Variants in IKZF1 observed in about 807,000 individuals in gnomAD.
IKZF1 encodes the protein DNA-binding protein Ikaros.
In IKZF1, 10 loss-of-function variants were observed where a neutral mutation model predicts 51.7. That is an observed-to-expected ratio of 0.19 (90% CI 0.12 to 0.33). The LOEUF (loss-of-function observed/expected upper bound fraction) is 0.33, where lower values mean the gene tolerates loss of function less well. Among genes scored for constraint, IKZF1 ranks in the 10% least tolerant of loss-of-function variants. The pLI, the probability that IKZF1 is intolerant of heterozygous loss-of-function variation, is 1.00. For missense variants in IKZF1, 484 were observed against 707.5 expected (o/e 0.68, Z 3.58); for synonymous variants, 280 against 282.3 (o/e 0.99, Z 0.08).
chr7:50,375,928 C>A (rs969864939), intron 3 of IKZF1, among the ~76,000 whole-genome samples: 1 of 152,172 alleles, frequency 6.6e-6, no homozygotes, highest in Non-Finnish European at 1.5e-5. Flanking sequence ...ACACAAAGAA[C>A]TTCCGGAAAT....
intron 3 of IKZF1, among the ~76,000 whole-genome samples, chr7:50,334,748 G>A (rs1432783823): frequency 1.3e-5 from 2 of 151,026 alleles, no homozygotes; most frequent in Admixed American, 6.6e-5. Context: ...ATGTGCATGG[G>A]ATATGCGGTG....
intron 3 of IKZF1, among the ~76,000 whole-genome samples, chr7:50,363,542 C>A (rs1395578449): frequency 6.6e-6 from 1 of 152,188 alleles, no homozygotes; most frequent in Non-Finnish European, 1.5e-5. Context: ...CTCCCCAGCT[C>A]TGTGTCCCTG....
At chr7:50,324,173 A>G (rs1020845087) in intron 2 of IKZF1, among the ~76,000 whole-genome samples, 14 of 152,356 alleles carry the variant, frequency 9.2e-5, no homozygotes, top group Non-Finnish European at 8.8e-5. Context: ...TACTGTGCCT[A>G]TCATGATGGG....
chr7:50,318,417 T>TGTAAGA (rs1792176538), intron 1 of IKZF1: 1 of 228,700 alleles, frequency 4.4e-6, no homozygotes, highest in East Asian at 6.2e-5. Context: ...CTTCTCCCCG[T>TGTAAGA]GTAAGAGTGC....
intron 2 of IKZF1, among the ~76,000 whole-genome samples, chr7:50,320,553 C>T (rs1482546834): frequency 6.6e-6 from 1 of 152,160 alleles, no homozygotes; most frequent in Non-Finnish European, 1.5e-5. Flanking sequence ...GTAATTTTGT[C>T]TCCTTTAACA....
chr7:50,314,695 C>G (rs1315846255), intron 1 of IKZF1, among the ~76,000 whole-genome samples: 1 of 152,206 alleles, frequency 6.6e-6, no homozygotes, highest in African/African-American at 2.4e-5. Flanking sequence ...TATTCACTGT[C>G]AGAAAAGAGA....
chr7:50,391,563 C>T (rs1427891894), intron 6 of IKZF1, among the ~76,000 whole-genome samples, 166 bp from the exon 7 acceptor site: 2 of 152,132 alleles, frequency 1.3e-5, no homozygotes, highest in African/African-American at 4.8e-5. Context: ...GGCATTGCTC[C>T]GGCTGCCTCT....
intron 5 of IKZF1, among the ~76,000 whole-genome samples, chr7:50,386,351 A>G (rs1392730665): frequency 1.3e-5 from 2 of 152,226 alleles, no homozygotes; most frequent in Admixed American, 6.5e-5. Flanking sequence ...TTAAAATTAA[A>G]CAAAATTAAA....
Position 50,400,423 on chromosome 7 carries a change from C to T in IKZF1, c.1356C>T (p.Val452=), listed in dbSNP as rs777418288. 2.5e-6 allele frequency: 4 copies of T among 1,613,862 alleles called. No homozygotes were observed. Among genetic ancestry groups the T allele is most frequent in the Non-Finnish European group, 3.4e-6 (4 of 1,179,850 alleles). ...ACTCGCAGGACGCGCTCCGCGTGGT[C>T]AGCACCAGCGGGGAGCAGATGAAGG... ...SENSQDALRV[V]STSGEQMKVY... is the part of the protein sequence containing the mutation. Residue 452 remains valine, a synonymous_variant, in exon 8 of 8, where the codon GTC becomes GTT. Transcript: ENST00000331340. The surrounding 1 kb of genome is among the most constrained non-coding windows in gnomAD (Gnocchi z 5.4).
chr7:50,332,615 G>A (rs1391323863), intron 3 of IKZF1, among the ~76,000 whole-genome samples: 1 of 152,138 alleles, frequency 6.6e-6, no homozygotes, highest in Non-Finnish European at 1.5e-5. Flanking sequence ...CAGGGCAGAG[G>A]CACAGGAATG....
In IKZF1 at chr7:50,401,179, C is replaced by A. The variant is rs187514127; in HGVS notation, c.*552C>A. 15 of 238,970 alleles carry A rather than the reference C, an allele frequency of 6.3e-5. No homozygotes were observed. In the Admixed American group the frequency reaches 7.2e-4, roughly 12 times the overall value. 14.8% of individuals were successfully genotyped at this position (238,970 alleles called of 1,614,324 possible). On this transcript the variant is annotated 3_prime_UTR_variant, in exon 8 of 8. Coordinates refer to ENST00000331340, the MANE Select transcript of IKZF1 (RefSeq NM_006060.6). ...GCCCAGGCCAGCTTCGAGCTACATG[C>A]ATCTAGGGCGGAGAGGCTGCACTTG...
intron 6 of IKZF1, among the ~76,000 whole-genome samples, chr7:50,389,598 G>T (rs949427958): frequency 8.5e-5 from 13 of 152,182 alleles, no homozygotes; most frequent in African/African-American, 3.1e-4. Context: ...TTTCTGTCTG[G>T]TATGGCCTCA....
chr7:50,348,147 T>G (rs1360169187), intron 3 of IKZF1, among the ~76,000 whole-genome samples: 1 of 152,238 alleles, frequency 6.6e-6, no homozygotes, highest in Non-Finnish European at 1.5e-5. Flanking sequence ...AATTCCTTTT[T>G]TGAGAGAAAT....
intron 3 of IKZF1, chr7:50,368,036 T>C (rs768840557): frequency 7.1e-6 from 5 of 702,270 alleles, no homozygotes; most frequent in African/African-American, 5.2e-5. Context: ...TTTAGGGATT[T>C]CCATGCAATA....
chr7:50,383,764 C>T (rs1360806281), intron 5 of IKZF1, among the ~76,000 whole-genome samples: 1 of 152,242 alleles, frequency 6.6e-6, no homozygotes, highest in African/African-American at 2.4e-5. Context: ...ACCAGCTACT[C>T]CTCACCCACC....
At chr7:50,357,566 C>T (rs538927815) in intron 3 of IKZF1, among the ~76,000 whole-genome samples, 40 of 152,274 alleles carry the variant, frequency 2.6e-4, no homozygotes, top group African/African-American at 9.4e-4. Flanking sequence ...ACGTGAGTTT[C>T]GGTGCATCTT....
intron 3 of IKZF1, among the ~76,000 whole-genome samples, chr7:50,332,073 T>C (rs895786028): frequency 1.3e-5 from 2 of 152,210 alleles, no homozygotes; most frequent in African/African-American, 4.8e-5. Flanking sequence ...CAGTGACCTC[T>C]TCAGGCAACC....
intron 6 of IKZF1, among the ~76,000 whole-genome samples, chr7:50,387,740 C>T (rs538115759): frequency 6.6e-6 from 1 of 152,200 alleles, no homozygotes; most frequent in South Asian, 2.1e-4. Context: ...TAGCAGTGAC[C>T]TTGAAAGTTT....
intron 6 of IKZF1, among the ~76,000 whole-genome samples, chr7:50,388,802 G>A (rs1814157959): frequency 6.6e-6 from 1 of 152,130 alleles, no homozygotes; most frequent in Admixed American, 6.5e-5. Context: ...TTCAAATATT[G>A]TTTTTTTCTG....
Sources: gnomAD v4.1 joint callset for allele counts (sites outside exome capture counted in the v4.1 genomes callset) on GRCh38, gnomAD v4.1.1 for gene constraint, Gnocchi (gnomAD v3.1) non-coding constraint, MANE v1.5 for transcripts, NCBI Gene and HGNC (gene_info 2026-07-23, HGNC 2026-07-21) for gene names.